CCDC3: variants seen among roughly 807,000 people sequenced by gnomAD.
CCDC3 encodes the protein coiled-coil domain-containing protein 3.
CCDC3 carries 24 observed loss-of-function variants against 21.4 expected under a neutral mutation model. The observed-to-expected ratio is 1.12, with a 90% CI of 0.81 to 1.58. CCDC3 has a LOEUF of 1.58. Among genes scored for constraint, CCDC3 ranks in the 40% most tolerant of loss-of-function variants. The pLI is 0.00. For missense variants in CCDC3, 425 were observed against 360.9 expected (o/e 1.18, Z -1.44); for synonymous variants, 186 against 166.0 (o/e 1.12, Z -0.93).
At chr10:13,019,237 AAAAGAAAGAAAG>A (rs1041735557) in intron 5 of CCDC3, among the ~76,000 whole-genome samples, 1 of 150,290 alleles carries the variant, frequency 6.7e-6, no homozygotes. Context: ...CTGTCTTTAA[AAAAGAAAGAAAG>A]AAAGAAAGAA....
intron 2 of CCDC3, among the ~76,000 whole-genome samples, chr10:12,935,081 A>G (rs1486382901): frequency 6.6e-6 from 1 of 151,910 alleles, no homozygotes; most frequent in Non-Finnish European, 1.5e-5. Context: ...TTTAAGAGAT[A>G]GGGTCTTGCT....
At chr10:12,941,236 G>A (rs1834827058) in intron 2 of CCDC3, among the ~76,000 whole-genome samples, 1 of 152,184 alleles carries the variant, frequency 6.6e-6, no homozygotes, top group African/African-American at 2.4e-5. Flanking sequence ...GAAATGCCAA[G>A]GCCACATCAG....
At chr10:13,062,344 C>T (rs1393661527) in intron 4 of CCDC3, among the ~76,000 whole-genome samples, 1 of 152,146 alleles carries the variant, frequency 6.6e-6, no homozygotes, top group African/African-American at 2.4e-5. Flanking sequence ...ACCATGTGGT[C>T]CACCCATTGT....
intron 2 of CCDC3, 82 bp from the exon 3 acceptor site, chr10:12,898,761 C>A: frequency 1.3e-6 from 2 of 1,507,608 alleles, no homozygotes; most frequent in East Asian, 2.4e-5. Context: ...GAAGCTTCCC[C>A]GAGTGCTGAC....
intron 3 of CCDC3, among the ~76,000 whole-genome samples, chr10:13,080,353 G>T (rs1837022618): frequency 6.6e-6 from 1 of 152,182 alleles, no homozygotes; most frequent in Non-Finnish European, 1.5e-5. Flanking sequence ...GCATGTCAAA[G>T]ATTGTCTGTG....
At chr10:13,024,386 G>A (rs1836189274) in intron 5 of CCDC3, among the ~76,000 whole-genome samples, 1 of 152,170 alleles carries the variant, frequency 6.6e-6, no homozygotes, top group South Asian at 2.1e-4. Context: ...CTGGCTGCAT[G>A]TCAGGATGCT....
At chr10:12,980,475 G>GA (rs1835479860) in intron 2 of CCDC3, among the ~76,000 whole-genome samples, 1 of 152,202 alleles carries the variant, frequency 6.6e-6, no homozygotes, top group Admixed American at 6.5e-5. Flanking sequence ...TGAGAAAGGG[G>GA]AGAGCTGAAT....
At chr10:13,030,004 C>A (rs1836278039) in intron 5 of CCDC3, among the ~76,000 whole-genome samples, 4 of 152,164 alleles carry the variant, frequency 2.6e-5, no homozygotes, top group Admixed American at 2.6e-4. Context: ...CACAAAGATA[C>A]TCCTCGAGAA....
intron 5 of CCDC3, among the ~76,000 whole-genome samples, chr10:13,042,784 C>A (rs1836476584): frequency 6.6e-6 from 1 of 151,732 alleles, no homozygotes; most frequent in Non-Finnish European, 1.5e-5. Flanking sequence ...TGGCGGGCGC[C>A]TGTAGTCCCA....
intron 2 of CCDC3, among the ~76,000 whole-genome samples, chr10:12,916,115 G>C (rs1051117043): frequency 2.0e-5 from 3 of 152,148 alleles, no homozygotes; most frequent in Admixed American, 6.6e-5. Context: ...CCTGGCACTG[G>C]GCAGGCCTGG....
intron 5 of CCDC3, among the ~76,000 whole-genome samples, chr10:13,013,467 A>C (rs754260127): frequency 3.3e-5 from 5 of 152,256 alleles, no homozygotes; most frequent in Non-Finnish European, 7.3e-5. Flanking sequence ...CCATGAATCA[A>C]CAATAGTAAA....
rs1031182258 is a variant in CCDC3, at chr10:13,001,289, G to A, written c.282C>T (p.Pro94=). The change falls in exon 1 of 3, where the codon CCC becomes CCT. Residue 94 remains proline, a synonymous_variant. Coordinates refer to ENST00000378825, the MANE Select transcript of CCDC3 (RefSeq NM_031455.4). ...DQAWGSMLEV[P]AGSRLNLTGL... ...CGGTGAGGTTGAGCCTGGAGCCGGC[G>A]GGCACCTCCAGCATGCTGCCCCACG... The A allele has an allele frequency of 5.6e-6, 9 of 1,605,238 alleles. No individual in the cohort carries two copies. The highest frequency in any genetic ancestry group is 7.6e-6 in the Non-Finnish European group (9 of 1,177,106).
chr10:13,094,796 C>T lies in CCDC3; in HGVS notation c.-503+3729G>A, dbSNP rs559445301. Among the ~76,000 whole-genome samples the T allele has an allele frequency of 1.6e-4, 24 of 151,960 alleles. No individual in the cohort carries two copies. In the East Asian group the frequency reaches 1.8e-3, roughly 11 times the overall value. ...GGAGAATTGCTTGAGCCCAGGAGTT[C>T]GAGGCTGCAGTGAGCCACGACTATG... On this transcript the variant is annotated intron_variant, in intron 3 of 6. Coordinates refer to the CCDC3 transcript ENST00000378839.
intron 2 of CCDC3, among the ~76,000 whole-genome samples, chr10:12,932,194 T>C (rs1366469413): frequency 6.6e-6 from 1 of 152,256 alleles, no homozygotes; most frequent in Non-Finnish European, 1.5e-5. Context: ...TAAATGATAA[T>C]GTGTTTTTAA....
chr10:13,096,974 A>G (rs1688095029), intron 3 of CCDC3, among the ~76,000 whole-genome samples: 1 of 152,178 alleles, frequency 6.6e-6, no homozygotes. Context: ...CTCAAAAGAC[A>G]AGAAGAAAGG....
intron 2 of CCDC3, among the ~76,000 whole-genome samples, chr10:12,933,999 T>G (rs1834694993): frequency 6.6e-6 from 1 of 152,208 alleles, no homozygotes. Context: ...AATTTGCTCT[T>G]TTTGTTGTAG....
intron 2 of CCDC3, among the ~76,000 whole-genome samples, chr10:12,954,322 A>G (rs1455571855): frequency 1.3e-5 from 2 of 152,268 alleles, no homozygotes; most frequent in Non-Finnish European, 2.9e-5. Context: ...AAGTGTTCAT[A>G]AAAGACATTC....
intron 2 of CCDC3, among the ~76,000 whole-genome samples, chr10:12,997,408 T>C (rs1407238783): frequency 1.3e-5 from 2 of 152,176 alleles, no homozygotes; most frequent in Non-Finnish European, 2.9e-5. Flanking sequence ...CCCAACTTGG[T>C]TGTGGCAAAG....
chr10:13,002,844 C>G (rs12254596), upstream of CCDC3, among the ~76,000 whole-genome samples: 44,269 of 152,052 alleles, frequency 0.29, 6,654 homozygotes, highest in Non-Finnish European at 0.32. Context: ...TGAGGCCTCT[C>G]TTCCTGGCTT....
Sources: allele counts gnomAD v4.1 joint callset (sites outside exome capture counted in the v4.1 genomes callset), GRCh38; gene constraint gnomAD v4.1.1; transcripts MANE v1.5; gene names NCBI Gene and HGNC (gene_info 2026-07-23, HGNC 2026-07-21).